ARAP1: variants seen among roughly 807,000 people sequenced by gnomAD.
ARAP1 encodes arf-GAP with Rho-GAP domain, ANK repeat and PH domain-containing protein 1.
In ARAP1, 76 loss-of-function variants were observed where a neutral mutation model predicts 172.2. The observed-to-expected ratio is 0.44, with a 90% CI of 0.37 to 0.53. The LOEUF is 0.53. Ranked by LOEUF, ARAP1 falls within the 20% of genes least tolerant of loss-of-function variation. The pLI, the probability that ARAP1 is intolerant of heterozygous loss-of-function variation, is 0.00. For missense variants in ARAP1, 1,686 were observed against 1,977.5 expected (o/e 0.85, Z 2.80); for synonymous variants, 804 against 803.3 (o/e 1.00, Z -0.01).
intron 14 of ARAP1, 171 bp downstream of exon 14, chr11:72,703,981 A>C (rs1264569152): frequency 1.2e-6 from 1 of 867,816 alleles, no homozygotes; most frequent in Non-Finnish European, 1.7e-6. Context: ...GCATGGCCAG[A>C]ACTTTTCACA....
chr11:72,696,789 A>G, intron 22 of ARAP1, 135 bp from the exon 23 acceptor site: 1 of 944,538 alleles, frequency 1.1e-6, no homozygotes, highest in Non-Finnish European at 1.5e-6. Flanking sequence ...CAGGCATTCA[A>G]CCAGGGTAAG....
At chr11:72,745,966 A>G (rs545792036) in intron 1 of ARAP1, among the ~76,000 whole-genome samples, 6 of 152,208 alleles carry the variant, frequency 3.9e-5, no homozygotes, top group African/African-American at 1.4e-4. Context: ...CCAGCCTTCT[A>G]TACCCTAAGG....
chr11:72,697,231 G>A, intron 21 of ARAP1, 36 bp from the exon 22 acceptor site: 2 of 1,593,044 alleles, frequency 1.3e-6, no homozygotes, highest in Non-Finnish European at 1.7e-6. Flanking sequence ...CGGGGCCTGA[G>A]GCATAGAGTC....
intron 3 of ARAP1, among the ~76,000 whole-genome samples, chr11:72,718,025 G>T (rs912862864): frequency 6.6e-6 from 1 of 152,118 alleles, no homozygotes; most frequent in Non-Finnish European, 1.5e-5. Flanking sequence ...AGATGCAAAG[G>T]GCTCCTCTCC....
rs11601039 is a variant in ARAP1, at chr11:72,694,970, C to G, written c.3694+10G>C. 3.4e-5 allele frequency: 55 copies of G among 1,611,186 alleles called. No homozygotes were observed. Among genetic ancestry groups the G allele is most frequent in the Non-Finnish European group, 4.7e-5 (55 of 1,177,868 alleles). Reference sequence around the variant, plus strand: ...CATACCACACCCTGCACAAGCCCAGCGTCACCCACCTGCCTCCTCCCTCTC... The same window carrying G: ...CATACCACACCCTGCACAAGCCCAGGGTCACCCACCTGCCTCCTCCCTCTC... On this transcript the variant is annotated intron_variant, in intron 27 of 34. Transcript: ENST00000393609.
chr11:72,722,672 GTGTGGCTCCAGCTGGGCAGC>G (rs1444404376), intron 3 of ARAP1, among the ~76,000 whole-genome samples: 1 of 152,240 alleles, frequency 6.6e-6, no homozygotes, highest in African/African-American at 2.4e-5. Context: ...AGCCTTGGCA[GTGTGGCTCCAGCTGGGCAGC>G]TGCCTTCTGG....
At chr11:72,713,030 C>G in intron 5 of ARAP1, 146 bp downstream of exon 5, 1 of 858,948 alleles carries the variant, frequency 1.2e-6, no homozygotes, top group Non-Finnish European at 1.9e-6. Context: ...TCCTGACCCC[C>G]GTATGGCAAG....
chr11:72,696,699 C>G (rs777793709), intron 22 of ARAP1, 45 bp from the exon 23 acceptor site: 1 of 1,491,720 alleles, frequency 6.7e-7, no homozygotes. Flanking sequence ...CTGTAACTAT[C>G]TTCCCCCCAC....
At chr11:72,718,850 G>A (rs1365743634) in intron 3 of ARAP1, among the ~76,000 whole-genome samples, 1 of 152,192 alleles carries the variant, frequency 6.6e-6, no homozygotes, top group African/African-American at 2.4e-5. Context: ...TTGAGAGGCA[G>A]ACCATGGACA....
chr11:72,748,502 A>G (rs933591515), intron 1 of ARAP1, among the ~76,000 whole-genome samples: 2 of 151,172 alleles, frequency 1.3e-5, no homozygotes, highest in Non-Finnish European at 2.9e-5. Context: ...CCTGGGCTAC[A>G]GAGCAAGACT....
intron 3 of ARAP1, among the ~76,000 whole-genome samples, chr11:72,718,014 CAG>C (rs1334702011): frequency 1.3e-5 from 2 of 152,182 alleles, no homozygotes; most frequent in Non-Finnish European, 2.9e-5. Context: ...GAGAGGGAAA[CAG>C]ATGCAAAGGG....
chr11:72,696,573 T>A lies in ARAP1; in HGVS notation c.3248A>T (p.Lys1083Met). ...RLPPVNRATVKALISHLYCVQ... is the reference protein window; with the variant it reads ...RLPPVNRATVMALISHLYCVQ... ...CCAGTACAGGTGGCTGATAAGGGCCTTCACTGTGGCCCGGTTGACAGGGGG... is the reference window on the plus strand; with the variant it reads ...CCAGTACAGGTGGCTGATAAGGGCCATCACTGTGGCCCGGTTGACAGGGGG... Residue 1083 changes from lysine (K) to methionine (M), a missense_variant, in exon 23 of 35, where the codon AAG (lysine) becomes ATG (methionine). By Grantham distance (95) the Lys-to-Met change is moderately conservative. Around this residue, in one of 5 missense-constraint regions of ARAP1, gnomAD observed 379 missense variants for 500.1 expected, o/e 0.76. Transcript: ENST00000393609. 6.3e-7 allele frequency: 1 copy of A among 1,596,790 alleles called. No individual in the cohort carries two copies. The highest frequency in any genetic ancestry group is 8.6e-7 in the Non-Finnish European group (1 of 1,169,212).
Position 72,697,635 on chromosome 11 carries a change from T to TG in ARAP1, c.2751dup (p.Ser918GlnfsTer2). 6.2e-7 allele frequency: 1 copy of TG among 1,614,120 alleles called. No individual in the cohort carries two copies. The highest frequency in any genetic ancestry group is 1.1e-5 in the South Asian group (1 of 91,084). On this transcript the variant is annotated frameshift_variant, in exon 20 of 35. Coordinates refer to ENST00000393609, the MANE Select transcript of ARAP1 (RefSeq NM_001040118.3). LOFTEE classifies it high-confidence loss of function. Reference sequence around the variant, plus strand: ...ACCAGCACCAGCACCTGGTTCTCACTGTCCCCCTGGATGGCTGTGGAGGGG... The same window carrying TG: ...ACCAGCACCAGCACCTGGTTCTCACTGGTCCCCCTGGATGGCTGTGGAGGGG...
intron 1 of ARAP1, among the ~76,000 whole-genome samples, chr11:72,742,933 G>A (rs1167292271): frequency 6.6e-6 from 1 of 152,162 alleles, no homozygotes; most frequent in East Asian, 1.9e-4. Flanking sequence ...CCACTCAACT[G>A]CTGGGTCCCG....
chr11:72,722,151 C>G (rs1857538842), intron 3 of ARAP1: 1 of 959,384 alleles, frequency 1.0e-6, no homozygotes, highest in African/African-American at 1.8e-5. Flanking sequence ...GAGGAAAGGA[C>G]AGAGAGAGAG....
chr11:72,751,399 C>T (rs1049734549), intron 1 of ARAP1, among the ~76,000 whole-genome samples: 3 of 152,170 alleles, frequency 2.0e-5, no homozygotes, highest in Admixed American at 2.0e-4. Flanking sequence ...TCATCCCCTC[C>T]CCTGGGGCCT....
intron 16 of ARAP1, among the ~76,000 whole-genome samples, chr11:72,700,791 G>T (rs1438298643): frequency 6.6e-6 from 1 of 152,236 alleles, no homozygotes; most frequent in African/African-American, 2.4e-5. Flanking sequence ...ATCACCTGAG[G>T]TCGGGAGTTT....
At chr11:72,746,767 C>T (rs1490365241) in intron 1 of ARAP1, among the ~76,000 whole-genome samples, 1 of 152,026 alleles carries the variant, frequency 6.6e-6, no homozygotes, top group East Asian at 1.9e-4. Context: ...CAGAGTCGCT[C>T]CTTACTGCCC....
intron 30 of ARAP1, chr11:72,688,888 T>C (rs1314249619): frequency 4.1e-6 from 1 of 244,432 alleles, no homozygotes; most frequent in Non-Finnish European, 8.1e-6. Flanking sequence ...TCAGATTGTA[T>C]GTGGAGGGAG....
Sources: gnomAD v4.1 joint callset for allele counts (sites outside exome capture counted in the v4.1 genomes callset) on GRCh38, gnomAD v4.1.1 for gene constraint, gnomAD v4.1.1 regional missense constraint, MANE v1.5 for transcripts, NCBI Gene and HGNC (gene_info 2026-07-23, HGNC 2026-07-21) for gene names.